HDX: variants seen among roughly 807,000 people sequenced by gnomAD.
HDX encodes the protein highly divergent homeobox, also known as chromosome X open reading frame 43.
HDX carries 19 observed loss-of-function variants against 45.2 expected under a neutral mutation model. That is an observed-to-expected ratio of 0.42 (90% CI 0.29 to 0.62). HDX has a LOEUF of 0.62. Ranked by LOEUF, HDX falls within the 20% of genes least tolerant of loss-of-function variation. The probability of loss-of-function intolerance (pLI) is 0.20; values close to 1 mark genes in which losing one functional copy is unlikely to be tolerated. For synonymous variants in HDX, 188 were observed against 172.8 expected (o/e 1.09, Z -0.69); for missense variants, 532 against 493.9 (o/e 1.08, Z -0.73).
chrX:84,492,988 C>T (rs965070237), intron 1 of HDX, among the ~76,000 whole-genome samples: 1 of 108,392 alleles, frequency 9.2e-6, no homozygotes, highest in Non-Finnish European at 1.9e-5. Context: ...TTTCGGCTCA[C>T]TGCAGCCTCC....
At chrX:84,492,849 T>C (rs2040918375) in intron 1 of HDX, among the ~76,000 whole-genome samples, 1 of 111,644 alleles carries the variant, frequency 9.0e-6, no homozygotes, top group South Asian at 3.7e-4. Context: ...AATAGCATCG[T>C]GTCCACATAT....
At chrX:84,401,282 G>T (rs1169936248) in intron 5 of HDX, among the ~76,000 whole-genome samples, 1 of 111,860 alleles carries the variant, frequency 8.9e-6, no homozygotes, top group Non-Finnish European at 1.9e-5. Flanking sequence ...CAGAATGGGA[G>T]AACTTTTTTC....
At chrX:84,443,006 A>T (rs190642921) in intron 4 of HDX, among the ~76,000 whole-genome samples, 3 of 112,007 alleles carry the variant, frequency 2.7e-5, no homozygotes, top group Admixed American at 9.5e-5. Context: ...GGAAGAAAAT[A>T]CAAAACTCCT....
At chrX:84,339,112 T>C (rs1461484106) in intron 7 of HDX, among the ~76,000 whole-genome samples, 1 of 111,740 alleles carries the variant, frequency 8.9e-6, no homozygotes, top group Non-Finnish European at 1.9e-5. Flanking sequence ...TGCAGGACAT[T>C]ATGCTGAGTG....
intron 5 of HDX, among the ~76,000 whole-genome samples, chrX:84,382,788 A>G (rs1284687100): frequency 9.0e-6 from 1 of 111,339 alleles, no homozygotes; most frequent in Non-Finnish European, 1.9e-5. Flanking sequence ...ACTTGATAGC[A>G]CAACAGGATG....
chrX:84,458,298 CA>C (rs1167087152), intron 4 of HDX, among the ~76,000 whole-genome samples: 3 of 110,634 alleles, frequency 2.7e-5, no homozygotes, highest in African/African-American at 9.8e-5. Context: ...AAAAAATCCA[CA>C]AAAAAACCTC....
At chrX:84,382,533 T>A (rs901211330) in intron 5 of HDX, among the ~76,000 whole-genome samples, 1 of 111,819 alleles carries the variant, frequency 8.9e-6, no homozygotes, top group Admixed American at 9.5e-5. Flanking sequence ...TAAGATTCAG[T>A]CATTTGCAAG....
At chrX:84,357,845 A>G (rs749260073) in intron 6 of HDX, among the ~76,000 whole-genome samples, 4 of 112,262 alleles carry the variant, frequency 3.6e-5, no homozygotes, top group Non-Finnish European at 7.5e-5. Context: ...TCTTTAGCCA[A>G]TGGGATATAA....
At chrX:84,425,476 A>G (rs1354802107) in intron 5 of HDX, among the ~76,000 whole-genome samples, 4 of 112,028 alleles carry the variant, frequency 3.6e-5, no homozygotes, top group Non-Finnish European at 7.5e-5. Context: ...TGTATATCCA[A>G]AAGGAAGGCA....
chrX:84,341,616 A>G (rs1055336316), intron 7 of HDX, among the ~76,000 whole-genome samples: 1 of 110,593 alleles, frequency 9.0e-6, no homozygotes, highest in Non-Finnish European at 1.9e-5. Flanking sequence ...CTAAAACACC[A>G]AATTCAATGG....
rs1215495875 is a variant in HDX at position 84,333,918 on chromosome X, C to T, written c.1741-76G>A. 23 of 429,244 alleles carry T rather than the reference C, an allele frequency of 5.4e-5. No homozygotes were observed. The East Asian group carries it at 8.0e-4, about 15-fold the overall frequency. The allele number at this position is 429,244 out of a possible 1,213,427, so 35.4% of individuals were successfully genotyped here. On this transcript the variant is annotated intron_variant, in intron 8 of 10. Transcript: ENST00000373177. ...CACTCAGCAATGCATAGAAAATATG[C>T]ATTCAATGTTTAGGTTATCTAGTCT...
chrX:84,408,460 G>C (rs781757828), intron 5 of HDX, among the ~76,000 whole-genome samples: 30 of 89,306 alleles, frequency 3.4e-4, no homozygotes, highest in Non-Finnish European at 5.8e-4. Context: ...TAGCCTGGTA[G>C]TATATTTTGA....
In HDX at chrX:84,329,785, C is replaced by G. The variant is rs756851095; in HGVS notation, c.1825-3485G>C. ...CACTTTGTATCCTCTGACCATCATTCCCTTATTTCCCAGCCTCCCACAAGC... is the reference window on the plus strand; with the variant it reads ...CACTTTGTATCCTCTGACCATCATTGCCTTATTTCCCAGCCTCCCACAAGC... On this transcript the variant is annotated intron_variant, in intron 9 of 10. Coordinates refer to ENST00000373177, the MANE Select transcript of HDX (RefSeq NM_001177479.2). Among the ~76,000 whole-genome samples, 4 of 111,794 alleles carry G rather than the reference C, an allele frequency of 3.6e-5. No homozygotes were observed. The South Asian group carries it at 1.5e-3, about 42-fold the overall frequency.
Position 84,318,532 on chromosome X carries a change from T to C in HDX, c.*3357A>G, listed in dbSNP as rs769568846. On this transcript the variant is annotated 3_prime_UTR_variant, in exon 11 of 11. Coordinates refer to ENST00000373177, the MANE Select transcript of HDX (RefSeq NM_001177479.2). ...AAATAGTTGTCTGAGATGAAGAAAC[T>C]ATCCCTTGGAAATGGGCTGAATCCG... is the stretch of plus-strand genomic sequence containing the variant. 1 of 110,980 alleles carries C rather than the reference T, an allele frequency of 9.0e-6. No homozygotes were observed. The highest frequency in any genetic ancestry group is 1.9e-5 in the Non-Finnish European group (1 of 52,495). The allele number at this position is 110,980 out of a possible 1,213,427, so 9.1% of individuals were successfully genotyped here.
chrX:84,350,824 G>A (rs193109245), intron 6 of HDX, among the ~76,000 whole-genome samples: 2 of 111,577 alleles, frequency 1.8e-5, no homozygotes, highest in East Asian at 5.7e-4. Flanking sequence ...TAAATTTAAT[G>A]CAATTATTTC....
In HDX at chrX:84,479,054, T is replaced by G. The variant is rs2040614188; in HGVS notation, c.1-3657A>C. ...GGCCAACATGTCTGTATTAATATTG[T>G]ACTTTTTATCCATTATTATTATTCA... On this transcript the variant is annotated intron_variant, in intron 2 of 10. Coordinates refer to ENST00000373177, the MANE Select transcript of HDX (RefSeq NM_001177479.2). Among the ~76,000 whole-genome samples the G allele has an allele frequency of 3.6e-5, 4 of 112,131 alleles. No individual in the cohort carries two copies. In the South Asian group the frequency reaches 1.1e-3, roughly 31 times the overall value.
chrX:84,424,950 C>CA (rs75027129), intron 5 of HDX, among the ~76,000 whole-genome samples: 7,808 of 110,337 alleles, frequency 0.071, 430 homozygotes, highest in East Asian at 0.42. Context: ...GAAACCAATG[C>CA]AAAAATGGAC....
intron 3 of HDX, among the ~76,000 whole-genome samples, chrX:84,470,882 C>T (rs940345009): frequency 6.3e-5 from 7 of 111,330 alleles, no homozygotes; most frequent in Non-Finnish European, 1.3e-4. Flanking sequence ...AGGCCATGCA[C>T]AGTGGCTCAT....
chrX:84,398,706 A>G (rs1453049186), intron 5 of HDX, among the ~76,000 whole-genome samples: 1 of 112,116 alleles, frequency 8.9e-6, no homozygotes, highest in Non-Finnish European at 1.9e-5. Flanking sequence ...TCAGTTCTGG[A>G]TCAAGTGGAC....
Sources: allele counts gnomAD v4.1 joint callset (sites outside exome capture counted in the v4.1 genomes callset), GRCh38; gene constraint gnomAD v4.1.1; transcripts MANE v1.5; gene names NCBI Gene and HGNC (gene_info 2026-07-23, HGNC 2026-07-21).